Variants in GAS7 observed in about 807,000 individuals in gnomAD.
The protein encoded by GAS7 is growth arrest specific 7.
In GAS7, 28 loss-of-function variants were observed where a neutral mutation model predicts 71.1. The observed-to-expected ratio is 0.39, with a 90% confidence interval of 0.29 to 0.54. GAS7 has a LOEUF of 0.54. Among genes scored for constraint, GAS7 ranks in the 20% least tolerant of loss-of-function variants. The pLI is 0.62. For missense variants in GAS7, 436 were observed against 627.8 expected, an observed-to-expected ratio of 0.69 and a Z score of 3.27; for synonymous variants, 258 against 245.8, an observed-to-expected ratio of 1.05 and a Z score of -0.46.
Position 10,198,210 on chromosome 17 carries a change from C to T in GAS7, c.181G>A (p.Glu61Lys). 6.2e-7 allele frequency: 1 copy of T among 1,607,862 alleles called. No homozygotes were observed. Among genetic ancestry groups the T allele is most frequent in the Non-Finnish European group, 8.5e-7 (1 of 1,179,290 alleles). Residue 61 changes from glutamate (E) to lysine (K), a missense_variant and splice_region_variant, in exon 1 of 14, where the codon GAG becomes AAG. Coordinates refer to ENST00000432992, the MANE Select transcript of GAS7 (RefSeq NM_201433.2). ...WFPASYVQLL[E>K]KPGMVPPPPG... ...CAGCCCCGGCCCTCGCCCCTTACCT[C>T]CAGCAACTGCACGTAGCTCGCCGGG... is the stretch of plus-strand genomic sequence containing the variant.
At position 10,044,055 on chromosome 17, in the gene GAS7, C is replaced by T. The variant is rs78777284; in HGVS notation, c.184-24158G>A. Among the ~76,000 whole-genome samples, 227 of 152,348 alleles carry T rather than the reference C, an allele frequency of 1.5e-3. 5 individuals are homozygous for T. The East Asian group carries it at 0.028, about 19-fold the overall frequency. Reference sequence around the variant, plus strand: ...GAAACCTTTGAAATGGTGGCAGCAGCAGCTGCAGACGTCAGTCTACGGTAC... The same window carrying T: ...GAAACCTTTGAAATGGTGGCAGCAGTAGCTGCAGACGTCAGTCTACGGTAC... On this transcript the variant is annotated intron_variant, in intron 1 of 13. Transcript: ENST00000432992.
chr17:10,003,251 A>T (rs150542900), intron 2 of GAS7, among the ~76,000 whole-genome samples: 2 of 152,300 alleles, frequency 1.3e-5, no homozygotes, highest in Non-Finnish European at 2.9e-5. Context: ...CAGAGACCGC[A>T]GGTGTCTGGC....
At chr17:10,112,579 T>C (rs1346337567) in intron 1 of GAS7, among the ~76,000 whole-genome samples, 3 of 151,780 alleles carry the variant, frequency 2.0e-5, no homozygotes, top group Admixed American at 1.3e-4. Flanking sequence ...CTACTAAAAA[T>C]ACAAAATTAG....
chr17:10,063,544 G>C (rs1298248952), intron 1 of GAS7, among the ~76,000 whole-genome samples: 1 of 152,182 alleles, frequency 6.6e-6, no homozygotes, highest in Admixed American at 6.5e-5. Context: ...TGAATTCAAG[G>C]TTCAAACAGT....
intron 1 of GAS7, chr17:10,039,749 C>T (rs1465253164): frequency 1.1e-5 from 5 of 456,168 alleles, no homozygotes; most frequent in Middle Eastern, 3.4e-4. Context: ...CACCATGGCT[C>T]GTCTTGCGTT....
In GAS7 at chr17:9,918,089, C is replaced by T. The variant is rs749184881; in HGVS notation, c.1229G>A (p.Arg410Gln). 5.6e-5 allele frequency: 91 copies of T among 1,612,982 alleles called. No individual in the cohort carries two copies. Among genetic ancestry groups the T allele is most frequent in the Non-Finnish European group, 4.6e-5 (54 of 1,179,218 alleles). ...CATCTCTACCCTCTCCACCTCCAGCCGCTCTAGCTCCTGCCGAGAAAGCAA... is the reference window on the plus strand; with the variant it reads ...CATCTCTACCCTCTCCACCTCCAGCTGCTCTAGCTCCTGCCGAGAAAGCAA... ...EMVTTTLELE[R>Q]LEVERVEMIR... The change falls in exon 13 of 14, where the codon CGG (arginine) becomes CAG (glutamine). Residue 410 changes from arginine to glutamine, a missense_variant. Coordinates refer to ENST00000432992, the MANE Select transcript of GAS7 (RefSeq NM_201433.2).
intron 1 of GAS7, among the ~76,000 whole-genome samples, chr17:10,192,505 C>A (rs941737776): frequency 6.6e-6 from 1 of 152,160 alleles, no homozygotes; most frequent in Non-Finnish European, 1.5e-5. Flanking sequence ...CAGAAAAAAG[C>A]TGGGCTTTTC....
intron 2 of GAS7, among the ~76,000 whole-genome samples, chr17:9,984,197 C>T (rs2070546215): frequency 6.6e-6 from 1 of 152,154 alleles, no homozygotes; most frequent in Admixed American, 6.6e-5. Flanking sequence ...TGCTCCTAAA[C>T]TACCGTGCAG....
At chr17:9,991,933 T>G (rs1187092378) in intron 2 of GAS7, among the ~76,000 whole-genome samples, 1 of 151,918 alleles carries the variant, frequency 6.6e-6, no homozygotes, top group Non-Finnish European at 1.5e-5. Context: ...TAAGCACAGG[T>G]GTTTGGCAAA....
At chr17:10,096,590 G>T (rs187639620) in intron 1 of GAS7, among the ~76,000 whole-genome samples, 2 of 151,066 alleles carry the variant, frequency 1.3e-5, no homozygotes, top group Admixed American at 6.6e-5. Flanking sequence ...GGTATGGACA[G>T]CACTACCCAC....
At chr17:9,938,419 T>C (rs1342118412) in intron 8 of GAS7, among the ~76,000 whole-genome samples, 5 of 133,392 alleles carry the variant, frequency 3.7e-5, no homozygotes, top group Non-Finnish European at 4.6e-5. Context: ...GAGGTTGCAG[T>C]GAGCTGAGAT....
chr17:10,152,898 G>A (rs1408002811), intron 1 of GAS7, among the ~76,000 whole-genome samples: 1 of 152,014 alleles, frequency 6.6e-6, no homozygotes, highest in Non-Finnish European at 1.5e-5. Context: ...CACTTCTTCA[G>A]AAATCAATGA....
chr17:10,049,020 A>C (rs1255089966), intron 1 of GAS7, among the ~76,000 whole-genome samples: 3 of 152,216 alleles, frequency 2.0e-5, no homozygotes, highest in Admixed American at 1.3e-4. Flanking sequence ...AGGCCAGTGC[A>C]GATGAAGCAA....
At chr17:10,171,770 C>G (rs2074336658) in intron 1 of GAS7, among the ~76,000 whole-genome samples, 1 of 148,308 alleles carries the variant, frequency 6.7e-6, no homozygotes, top group Non-Finnish European at 1.5e-5. Flanking sequence ...ATTCTTTGAC[C>G]TCTCTGAGCC....
chr17:9,978,890 A>G (rs1331036308), intron 3 of GAS7, among the ~76,000 whole-genome samples: 1 of 152,090 alleles, frequency 6.6e-6, no homozygotes, highest in East Asian at 1.9e-4. Flanking sequence ...GAGCTTCCCC[A>G]CCTCGGCACT....
intron 1 of GAS7, among the ~76,000 whole-genome samples, chr17:10,176,456 A>G (rs2074374925): frequency 6.6e-6 from 1 of 152,222 alleles, no homozygotes; most frequent in Non-Finnish European, 1.5e-5. Flanking sequence ...ATCACCTTCA[A>G]AATCCTTCCA....
At chr17:10,146,616 T>A (rs915700851) in intron 1 of GAS7, among the ~76,000 whole-genome samples, 5 of 152,098 alleles carry the variant, frequency 3.3e-5, no homozygotes, top group Admixed American at 3.3e-4. Context: ...ACTGTGATGC[T>A]CTCTCAGCTT....
chr17:10,044,719 G>T (rs965637282), intron 1 of GAS7, among the ~76,000 whole-genome samples: 1 of 152,106 alleles, frequency 6.6e-6, no homozygotes, highest in Admixed American at 6.5e-5. Context: ...CATATAAGTA[G>T]ATCTGTGCAG....
At chr17:9,920,106 T>C (rs1204184011) in intron 11 of GAS7, among the ~76,000 whole-genome samples, 1 of 148,996 alleles carries the variant, frequency 6.7e-6, no homozygotes, top group Non-Finnish European at 1.5e-5. Flanking sequence ...CACTGGGGAG[T>C]CCAGATTGGT....
Sources: gnomAD v4.1 joint callset for allele counts (sites outside exome capture counted in the v4.1 genomes callset) on GRCh38, gnomAD v4.1.1 for gene constraint, MANE v1.5 for transcripts, NCBI Gene and HGNC (gene_info 2026-07-23, HGNC 2026-07-21) for gene names.